The following COL4A2 variants were observed in gnomAD, a reference collection of about 807,000 sequenced individuals.
The protein encoded by COL4A2 is collagen alpha-2(IV) chain.
COL4A2 carries 99 observed loss-of-function variants against 200.2 expected under a neutral mutation model. The ratio of observed to expected loss-of-function variants is 0.49; its 90% CI spans 0.42 to 0.58. COL4A2 has a LOEUF of 0.58. COL4A2 is among the 20% of genes least tolerant of loss of function. The pLI, the probability that COL4A2 is intolerant of heterozygous loss-of-function variation, is 0.00. For synonymous variants in COL4A2, 897 were observed against 900.6 expected (o/e 1.00, Z 0.07); for missense variants, 1,950 against 2,314.1 (o/e 0.84, Z 3.23).
chr13:110,474,226 C>G (rs1049700990), intron 29 of COL4A2, among the ~76,000 whole-genome samples: 3 of 152,224 alleles, frequency 2.0e-5, no homozygotes, highest in Non-Finnish European at 4.4e-5. Flanking sequence ...CTGCTGCCAA[C>G]CCCAGCCCGA....
chr13:110,426,305 A>G (rs920328390), intron 6 of COL4A2, among the ~76,000 whole-genome samples: 1 of 152,176 alleles, frequency 6.6e-6, no homozygotes, highest in African/African-American at 2.4e-5. Context: ...TCATGTTTCC[A>G]CTTTACACTC....
Position 110,430,546 on chromosome 13 carries a change from G to T in COL4A2, c.587G>T (p.Gly196Val). 1.2e-6 allele frequency: 2 copies of T among 1,614,172 alleles called. No individual in the cohort carries two copies. Among genetic ancestry groups the T allele is most frequent in the Non-Finnish European group, 1.7e-6 (2 of 1,180,042 alleles). The change falls in exon 10 of 48, where the codon GGA becomes GTA. Residue 196 changes from glycine to valine, a missense_variant and splice_region_variant. Physicochemically the swap from Gly to Val is moderately radical, Grantham distance 109 (BLOSUM62 -3). Around this residue, in one of 2 missense-constraint regions of COL4A2, gnomAD observed 565 missense variants for 593.5 expected, o/e 0.95. Transcript: ENST00000360467. ...CATTCTCCCGCTGCCTATCCATAGG[G>T]ACCTCCCGGCCGCCCTGGGCATGTG... Reference protein sequence around the residue: ...PGEPGLVGFQGPPGRPGHVGQ... With the variant: ...PGEPGLVGFQVPPGRPGHVGQ...
intron 4 of COL4A2, 48 bp downstream of exon 4, chr13:110,357,600 A>G: frequency 6.5e-7 from 1 of 1,550,218 alleles, no homozygotes; most frequent in Non-Finnish European, 8.7e-7. Context: ...TCATACAGTC[A>G]TGCCTCGCTT....
At chr13:110,357,697 T>A in intron 4 of COL4A2, 145 bp downstream of exon 4, 1 of 1,237,132 alleles carries the variant, frequency 8.1e-7, no homozygotes, top group Non-Finnish European at 1.1e-6. Flanking sequence ...CAAACCTAGA[T>A]GGCCGGGCCT....
intron 17 of COL4A2, among the ~76,000 whole-genome samples, chr13:110,446,297 G>A (rs967603835): frequency 3.3e-5 from 5 of 152,292 alleles, no homozygotes; most frequent in African/African-American, 7.2e-5. Flanking sequence ...AGAGGGGAAC[G>A]CACCCGTGGG....
intron 3 of COL4A2, among the ~76,000 whole-genome samples, chr13:110,337,531 G>A (rs144312318): frequency 6.6e-5 from 10 of 152,228 alleles, no homozygotes; most frequent in Non-Finnish European, 1.0e-4. Flanking sequence ...GTCAGAGGGC[G>A]GATGTACTGG....
chr13:110,375,105 A>G lies in COL4A2; in HGVS notation c.180+17553A>G, dbSNP rs141434336. On this transcript the variant is annotated intron_variant, in intron 4 of 47. Coordinates refer to ENST00000360467, the MANE Select transcript of COL4A2 (RefSeq NM_001846.4). ...TGTGTGGGGTTAGAGCTGTTGCCCA[A>G]TTGGACTCTGAGATGCGATACTTCT... is the stretch of plus-strand genomic sequence containing the variant. Among the ~76,000 whole-genome samples, 214 of 152,288 alleles carry G rather than the reference A, an allele frequency of 1.4e-3. 1 individual carries two copies. Among genetic ancestry groups the G allele is most frequent in the Non-Finnish European group, 2.0e-3 (135 of 68,024 alleles).
At chr13:110,466,875 T>G (rs1882259104) in intron 26 of COL4A2, among the ~76,000 whole-genome samples, 165 bp from the exon 27 acceptor site, 1 of 152,204 alleles carries the variant, frequency 6.6e-6, no homozygotes, top group Admixed American at 6.5e-5. Context: ...GAAATTAAAC[T>G]TTTATTTACA....
chr13:110,308,324 G>A (rs901127503), intron 3 of COL4A2, among the ~76,000 whole-genome samples: 3 of 152,138 alleles, frequency 2.0e-5, no homozygotes, highest in Admixed American at 6.5e-5. Context: ...TGGGTTCCCA[G>A]CGTCAATCCT....
chr13:110,363,741 C>G (rs1877622019), intron 4 of COL4A2, among the ~76,000 whole-genome samples: 1 of 152,224 alleles, frequency 6.6e-6, no homozygotes, highest in African/African-American at 2.4e-5. Flanking sequence ...GTCATAAACC[C>G]TACCCTTCCA....
intron 4 of COL4A2, among the ~76,000 whole-genome samples, chr13:110,419,628 C>T (rs1458983363): frequency 2.0e-5 from 3 of 152,188 alleles, no homozygotes; most frequent in Non-Finnish European, 4.4e-5. Context: ...ATTCTCTCCA[C>T]GGTCGTGGTA....
Position 110,501,914 on chromosome 13 carries a change from G to A in COL4A2, c.3877+130G>A, listed in dbSNP as rs185919100. The A allele has an allele frequency of 2.1e-5, 18 of 870,112 alleles. No homozygotes were observed. The Admixed American group carries it at 3.3e-4, about 16-fold the overall frequency. The allele number at this position is 870,112 out of a possible 1,614,324, so 53.9% of individuals were successfully genotyped here. On this transcript the variant is annotated intron_variant, in intron 41 of 47. Transcript: ENST00000360467. ...CCAGACTCCGGTCAAAGAGGCAGGA[G>A]CCATGATGGCTCCTCCTGTGTCATT...
In COL4A2 at chr13:110,506,429, C is replaced by T; in HGVS notation, c.4417C>T (p.Pro1473Ser). The change falls in exon 46 of 48, where the codon CCA becomes TCA. Residue 1473 changes from proline to serine, a missense_variant. By Grantham distance (74) the Pro-to-Ser change is moderately conservative (BLOSUM62 -1). This residue lies in a region of COL4A2 where 1,385 missense variants were observed against 1,720.5 expected (regional missense o/e 0.80). Transcript: ENST00000360467. ...PIGQEGAPGR[P>S]GSPGLPGMPG... ...TCGGGCTGCAGGTGCACCAGGCCGTCCAGGGAGCCCGGGCCTGCCGGGTAT... is the reference window on the plus strand; with the variant it reads ...TCGGGCTGCAGGTGCACCAGGCCGTTCAGGGAGCCCGGGCCTGCCGGGTAT... 6.2e-7 allele frequency: 1 copy of T among 1,611,276 alleles called. No individual in the cohort carries two copies. Among genetic ancestry groups the T allele is most frequent in the Admixed American group, 1.7e-5 (1 of 59,716 alleles).
chr13:110,333,362 G>C (rs553051800), intron 3 of COL4A2, among the ~76,000 whole-genome samples: 6 of 152,192 alleles, frequency 3.9e-5, no homozygotes, highest in Non-Finnish European at 8.8e-5. Context: ...CTGGGACCCA[G>C]TGTCCATCCC....
chr13:110,477,707 G>A (rs1182694439), intron 29 of COL4A2, among the ~76,000 whole-genome samples: 1 of 152,188 alleles, frequency 6.6e-6, no homozygotes, highest in Non-Finnish European at 1.5e-5. Flanking sequence ...ATAATGTCAA[G>A]TGAAGAAAAC....
chr13:110,462,055 C>T (rs1882046650), intron 22 of COL4A2, 59 bp from the exon 23 acceptor site: 1 of 1,600,256 alleles, frequency 6.2e-7, no homozygotes, highest in Non-Finnish European at 8.5e-7. Flanking sequence ...TGCCAGCCAT[C>T]TTCTCAGATG....
chr13:110,379,668 C>A (rs1026323499), intron 4 of COL4A2, among the ~76,000 whole-genome samples: 10 of 152,166 alleles, frequency 6.6e-5, no homozygotes, highest in African/African-American at 9.7e-5. Flanking sequence ...TCCCCATGGA[C>A]CCCCATTCGG....
intron 30 of COL4A2, among the ~76,000 whole-genome samples, chr13:110,479,387 T>C (rs1882813053): frequency 1.2e-4 from 1 of 8,468 alleles, no homozygotes; most frequent in African/African-American, 2.5e-4. Flanking sequence ...GAGAAGTACC[T>C]GGTGCCAGCG....
chr13:110,506,416 T>C lies in COL4A2; in HGVS notation c.4404T>C (p.Gly1468=). Residue 1468 remains glycine, a splice_region_variant and synonymous_variant, in exon 46 of 48, where the codon GGT becomes GGC. Coordinates refer to ENST00000360467, the MANE Select transcript of COL4A2 (RefSeq NM_001846.4). ...IGHQGPIGQE[G]APGRPGSPGL... Reference sequence around the variant, plus strand: ...CTCTCTCTCTTTCTCGGGCTGCAGGTGCACCAGGCCGTCCAGGGAGCCCGG... The same window carrying C: ...CTCTCTCTCTTTCTCGGGCTGCAGGCGCACCAGGCCGTCCAGGGAGCCCGG... 3 of 1,608,686 alleles carry C rather than the reference T, an allele frequency of 1.9e-6. No homozygotes were observed. The highest frequency in any genetic ancestry group is 2.5e-6 in the Non-Finnish European group (3 of 1,178,296).
Sources: gnomAD v4.1 joint callset for allele counts (sites outside exome capture counted in the v4.1 genomes callset) on GRCh38, gnomAD v4.1.1 for gene constraint, gnomAD v4.1.1 regional missense constraint, MANE v1.5 for transcripts, NCBI Gene and HGNC (gene_info 2026-07-23, HGNC 2026-07-21) for gene names.